The following LYZL6 variants were observed in gnomAD, a reference collection of about 807,000 sequenced individuals.
LYZL6 encodes the protein lysozyme like 6, also known as lysozyme-like protein 6.
LYZL6 carries 21 observed loss-of-function variants against 15.0 expected under a neutral mutation model. The observed-to-expected ratio is 1.40, with a 90% CI of 1.00 to 2.02. The LOEUF is 2.02. Ranked by LOEUF, LYZL6 falls within the 30% of genes most tolerant of loss-of-function variation. The pLI is 0.00. For missense variants in LYZL6, 173 were observed against 180.5 expected (o/e 0.96, Z 0.24); for synonymous variants, 72 against 67.8 (o/e 1.06, Z -0.31).
At chr17:35,943,231 G>C (rs1002932122) in intron 1 of LYZL6, among the ~76,000 whole-genome samples, 1 of 152,102 alleles carries the variant, frequency 6.6e-6, no homozygotes, top group Non-Finnish European at 1.5e-5. Context: ...ACGAACCTTG[G>C]TATTTACTTC....
intron 4 of LYZL6, among the ~76,000 whole-genome samples, 175 bp from the exon 5 acceptor site, chr17:35,935,040 A>G (rs952959546): frequency 6.6e-6 from 1 of 151,568 alleles, no homozygotes. Flanking sequence ...AAACTCTCTC[A>G]TCTCTGGTGT....
chr17:35,939,088 G>A (rs2089402807), intron 2 of LYZL6, 130 bp downstream of exon 2: 1 of 1,102,366 alleles, frequency 9.1e-7, no homozygotes, highest in Non-Finnish European at 1.3e-6. Context: ...CAGCGTGTTG[G>A]GAAAGGCTTT....
At chr17:35,934,972 G>A (rs1423545979) in intron 4 of LYZL6, 107 bp from the exon 5 acceptor site, 13 of 970,352 alleles carry the variant, frequency 1.3e-5, no homozygotes, top group Middle Eastern at 2.1e-4. Context: ...CAGAATCCCC[G>A]TCATTGCTAG....
rs1178482012 is a variant in LYZL6 at position 35,936,747 on chromosome 17, CTCCTCACCAGTTGTTCA to C, written c.368_377+7del. The C allele has an allele frequency of 3.7e-6, 6 of 1,612,678 alleles. No homozygotes were observed. In the African/African-American group the frequency reaches 8.0e-5, roughly 22 times the overall value. ...TCTGCCCGCTGAGTCCCACCGTGTC[CTCCTCACCAGTTGTTCA>C]TCCCCCGTGCTCCGGACACAATCCT... On this transcript the variant is annotated splice_donor_variant and splice_donor_5th_base_variant and coding_sequence_variant and intron_variant, in exon 4 of 5. Coordinates refer to ENST00000615905, the MANE Select transcript of LYZL6 (RefSeq NM_020426.4). LOFTEE classifies it high-confidence loss of function.
chr17:35,943,462 C>T (rs8071750), intron 1 of LYZL6, 105 bp downstream of exon 1: 23,064 of 152,200 alleles, frequency 0.15, 1,966 homozygotes, highest in East Asian at 0.25. Context: ...CACTGAGCCT[C>T]GGGAAGCAGG....
chr17:35,939,289 C>A lies in LYZL6; in HGVS notation c.68G>T (p.Ser23Ile). Residue 23 changes from serine (S) to isoleucine (I), a missense_variant, in exon 2 of 5, where the codon AGT (serine) becomes ATT (isoleucine). Coordinates refer to ENST00000615905, the MANE Select transcript of LYZL6 (RefSeq NM_020426.4). ...FLALNQASLI[S>I]RCDLAQVLQL... ...CAGCACCTGGGCCAAGTCACAGCGA[C>A]TGATGAGGCTGGCCTGATTTAGGGC... The A allele has an allele frequency of 6.2e-7, 1 of 1,614,174 alleles. No homozygotes were observed. Among genetic ancestry groups the A allele is most frequent in the Non-Finnish European group, 8.5e-7 (1 of 1,180,018 alleles).
Position 35,934,683 on chromosome 17 carries a change from A to G in LYZL6, c.*113T>C, listed in dbSNP as rs1283618902. On this transcript the variant is annotated 3_prime_UTR_variant, in exon 5 of 5. Transcript: ENST00000615905. ...GGGGCTCTGGTCAGTTTTAGTTGTA[A>G]ATGGGAAGGGAAGAAAATAACATGA... 2.3e-5 allele frequency: 24 copies of G among 1,051,392 alleles called. No homozygotes were observed. In the East Asian group the frequency reaches 5.4e-4, roughly 24 times the overall value. 65.1% of individuals were successfully genotyped at this position (1,051,392 alleles called of 1,614,324 possible).
In LYZL6 at chr17:35,939,379, C is replaced by T; in HGVS notation, c.-23G>A. The T allele has an allele frequency of 6.2e-7, 1 of 1,612,574 alleles. No homozygotes were observed. The highest frequency in any genetic ancestry group is 8.5e-7 in the Non-Finnish European group (1 of 1,178,982). The stretch of plus-strand genomic sequence containing the variant: ...CATCCTTGGAGGGGAGGAGGTGCAG[C>T]TGAGGGCTGATGGTTCTTAGGGTCT... On this transcript the variant is annotated 5_prime_UTR_variant, in exon 2 of 5. Transcript: ENST00000615905.
intron 3 of LYZL6, 33 bp downstream of exon 3, chr17:35,937,725 C>G: frequency 6.2e-7 from 1 of 1,601,418 alleles, no homozygotes; most frequent in South Asian, 1.1e-5. Context: ...GGTTGCTGCT[C>G]TCATCTCTCC....
chr17:35,939,156 C>T (rs2141967740), intron 2 of LYZL6, 62 bp downstream of exon 2: 11 of 1,549,956 alleles, frequency 7.1e-6, no homozygotes, highest in Non-Finnish European at 9.6e-6. Flanking sequence ...GAGAAAGAAG[C>T]TGGCCATATA....
At chr17:35,936,599 GA>G (rs2089375004) in intron 4 of LYZL6, 155 bp downstream of exon 4, 2 of 625,650 alleles carry the variant, frequency 3.2e-6, no homozygotes, top group South Asian at 3.9e-5. Flanking sequence ...CAATATCATA[GA>G]AGAACCAGAT....
At chr17:35,937,106 T>C (rs2141965946) in intron 3 of LYZL6, among the ~76,000 whole-genome samples, 1 of 152,314 alleles carries the variant, frequency 6.6e-6, no homozygotes, top group South Asian at 2.1e-4. Flanking sequence ...CACTCAAAGT[T>C]TGTGGGAGGT....
At chr17:35,937,401 G>A (rs1023167006) in intron 3 of LYZL6, among the ~76,000 whole-genome samples, 1 of 152,222 alleles carries the variant, frequency 6.6e-6, no homozygotes, top group African/African-American at 2.4e-5. Context: ...TCAGTTTGCT[G>A]TTTTGTAAAG....
chr17:35,937,424 A>G (rs2089384308), intron 3 of LYZL6, among the ~76,000 whole-genome samples: 1 of 152,238 alleles, frequency 6.6e-6, no homozygotes, highest in Non-Finnish European at 1.5e-5. Flanking sequence ...GGGATCATAA[A>G]TGGTTTCTAC....
intron 1 of LYZL6, among the ~76,000 whole-genome samples, chr17:35,943,200 G>C (rs188955705): frequency 2.0e-5 from 3 of 152,154 alleles, no homozygotes; most frequent in African/African-American, 7.2e-5. Context: ...CTGCGACCTC[G>C]ATCTCCTTAA....
Position 35,939,396 on chromosome 17 carries a change from T to G in LYZL6, c.-40A>C. On this transcript the variant is annotated 5_prime_UTR_variant, in exon 2 of 5. Coordinates refer to ENST00000615905, the MANE Select transcript of LYZL6 (RefSeq NM_020426.4). ...AGGTGCAGCTGAGGGCTGATGGTTC[T>G]TAGGGTCTTGCAGACTTTCTGCTGA... 6.3e-7 allele frequency: 1 copy of G among 1,599,628 alleles called. No homozygotes were observed.
chr17:35,937,769 A>T lies in LYZL6; in HGVS notation c.287T>A (p.Val96Glu). ...GGCCCTGGCCAGACCTTGACAGTCTACGTGGCAAAGGTTTTCCGAGTAACT... is the reference window on the plus strand; with the variant it reads ...GGCCCTGGCCAGACCTTGACAGTCTTCGTGGCAAAGGTTTTCCGAGTAACT... ...YKSYSENLCHVDCQDLLNPNL... is the reference protein window; with the variant it reads ...YKSYSENLCHEDCQDLLNPNL... Residue 96 changes from valine (V) to glutamate (E), a missense_variant, in exon 3 of 5, where the codon GTA (valine) becomes GAA (glutamate). Coordinates refer to ENST00000615905, the MANE Select transcript of LYZL6 (RefSeq NM_020426.4). 6.2e-7 allele frequency: 1 copy of T among 1,614,132 alleles called. No individual in the cohort carries two copies. Among genetic ancestry groups the T allele is most frequent in the African/African-American group, 1.3e-5 (1 of 75,058 alleles).
intron 4 of LYZL6, among the ~76,000 whole-genome samples, chr17:35,935,926 G>T (rs2089368514): frequency 6.6e-6 from 1 of 151,682 alleles, no homozygotes; most frequent in Non-Finnish European, 1.5e-5. Context: ...CGATTCTTCT[G>T]CCTCAGCCTC....
chr17:35,941,289 T>C (rs575316630), intron 1 of LYZL6, among the ~76,000 whole-genome samples: 6 of 152,378 alleles, frequency 3.9e-5, no homozygotes, highest in Admixed American at 1.3e-4. Flanking sequence ...GGCCACTGTA[T>C]ATCTTTGGGA....
Sources: allele counts gnomAD v4.1 joint callset (sites outside exome capture counted in the v4.1 genomes callset), GRCh38; gene constraint gnomAD v4.1.1; transcripts MANE v1.5; gene names NCBI Gene and HGNC (gene_info 2026-07-23, HGNC 2026-07-21).